The following UNC80 variants were observed in gnomAD, a reference collection of about 807,000 sequenced individuals.
UNC80 encodes unc-80 subunit of NALCN channel complex.
In UNC80, 164 loss-of-function variants were observed where a neutral mutation model predicts 384.6. The ratio of observed to expected loss-of-function variants is 0.43; its 90% CI spans 0.38 to 0.49. The LOEUF is 0.49. UNC80 is among the 20% of genes least tolerant of loss of function. The probability of loss-of-function intolerance (pLI) is 0.00; values close to 1 mark genes in which losing one functional copy is unlikely to be tolerated. For missense variants in UNC80, 3,330 were observed against 4,143.0 expected, an observed-to-expected ratio of 0.80 and a Z score of 5.39; for synonymous variants, 1,486 against 1,527.8, an observed-to-expected ratio of 0.97 and a Z score of 0.64.
chr2:209,947,732 A>T (rs535124821), intron 47 of UNC80, among the ~76,000 whole-genome samples: 1 of 151,914 alleles, frequency 6.6e-6, no homozygotes, highest in South Asian at 2.1e-4. Context: ...TTTTTTTAAA[A>T]GTATTTTATT....
At chr2:209,809,371 C>T (rs1434170950) in intron 7 of UNC80, 8 of 963,104 alleles carry the variant, frequency 8.3e-6, no homozygotes, top group South Asian at 6.5e-5. Flanking sequence ...CTGGCTGCTG[C>T]GGGGCCATGT....
At chr2:209,988,948 C>T (rs1032731132) in intron 61 of UNC80, among the ~76,000 whole-genome samples, 2 of 152,100 alleles carry the variant, frequency 1.3e-5, no homozygotes, top group South Asian at 2.1e-4. Flanking sequence ...TGCTTATATC[C>T]TTATTGTTCC....
In UNC80 at chr2:209,894,304, A is replaced by T; in HGVS notation, c.4418A>T (p.Asp1473Val). 5 of 985,300 alleles carry T rather than the reference A, an allele frequency of 5.1e-6. No individual in the cohort carries two copies. The highest frequency in any genetic ancestry group is 4.8e-6 in the Non-Finnish European group (4 of 829,910). 61.0% of individuals were successfully genotyped at this position (985,300 alleles called of 1,614,324 possible). A position where few individuals can be genotyped will look rare whatever the true frequency, so the allele number is the denominator to read the frequency against. ...SLKSSKLSRQ[D>V]SESEAEELQL... Reference sequence around the variant, plus strand: ...AAGAGCAGCAAGTTATCACGGCAGGACTCAGAGTCTGAGGCTGAGGAGCTG... The same window carrying T: ...AAGAGCAGCAAGTTATCACGGCAGGTCTCAGAGTCTGAGGCTGAGGAGCTG... Residue 1473 changes from aspartate to valine, a missense_variant, in exon 27 of 65, where the codon GAC becomes GTC. Asp to Val is a radical substitution (Grantham distance 152). Coordinates refer to ENST00000673920, the MANE Select transcript of UNC80 (RefSeq NM_001371986.1).
intron 17 of UNC80, among the ~76,000 whole-genome samples, chr2:209,834,514 T>G (rs1285522382): frequency 1.3e-5 from 2 of 152,216 alleles, no homozygotes; most frequent in East Asian, 3.9e-4. Context: ...CAATTACTGA[T>G]GCCATATGAT....
intron 36 of UNC80, among the ~76,000 whole-genome samples, chr2:209,929,475 C>T (rs1321860866): frequency 6.6e-6 from 1 of 152,086 alleles, no homozygotes; most frequent in African/African-American, 2.4e-5. Flanking sequence ...GCATTCTAAA[C>T]CAAAACATAT....
At chr2:209,868,780 AT>A (rs2084048867) in intron 22 of UNC80, among the ~76,000 whole-genome samples, 1 of 152,196 alleles carries the variant, frequency 6.6e-6, no homozygotes, top group Non-Finnish European at 1.5e-5. Context: ...ATTGAACTAT[AT>A]GAAATTGCTG....
chr2:209,910,880 T>C (rs998498028), intron 29 of UNC80, among the ~76,000 whole-genome samples: 2 of 152,164 alleles, frequency 1.3e-5, no homozygotes, highest in Admixed American at 6.5e-5. Flanking sequence ...TTTAAAATTG[T>C]GTGCCACACA....
chr2:209,908,124 G>A (rs1333260221), intron 29 of UNC80, among the ~76,000 whole-genome samples: 1 of 152,202 alleles, frequency 6.6e-6, no homozygotes, highest in African/African-American at 2.4e-5. Flanking sequence ...TTTGCCTGTT[G>A]TGAATCTGCC....
In UNC80 at chr2:209,777,568, A is replaced by G. The variant is rs148765276; in HGVS notation, c.600+9A>G. 3.8e-6 allele frequency: 6 copies of G among 1,596,616 alleles called. No individual in the cohort carries two copies. Among genetic ancestry groups the G allele is most frequent in the Non-Finnish European group, 5.1e-6 (6 of 1,171,072 alleles). ...TGGTACACAGGATCAAGGTAAGCAGAAACCCAGTGTTAGAGCTGGAGTGGG... is the reference window on the plus strand; with the variant it reads ...TGGTACACAGGATCAAGGTAAGCAGGAACCCAGTGTTAGAGCTGGAGTGGG... On this transcript the variant is annotated intron_variant, in intron 4 of 64. Transcript: ENST00000673920.
chr2:209,928,412 A>G (rs1272442317), intron 36 of UNC80, among the ~76,000 whole-genome samples: 1 of 152,144 alleles, frequency 6.6e-6, no homozygotes, highest in Non-Finnish European at 1.5e-5. Context: ...CAAACTGTTA[A>G]TAGTTGTTTC....
chr2:209,925,317 A>G (rs1171950273), intron 35 of UNC80, among the ~76,000 whole-genome samples: 1 of 152,158 alleles, frequency 6.6e-6, no homozygotes. Context: ...TGTGTCCAGA[A>G]TTTATTCCTT....
chr2:209,901,626 T>C (rs2087414196), intron 28 of UNC80, among the ~76,000 whole-genome samples: 1 of 152,064 alleles, frequency 6.6e-6, no homozygotes, highest in Admixed American at 6.5e-5. Flanking sequence ...AGTCTTATGA[T>C]TTAAGAAGTT....
chr2:209,819,052 A>G lies in UNC80; in HGVS notation c.1753A>G (p.Asn585Asp), dbSNP rs1450729075. The G allele has an allele frequency of 6.4e-7, 1 of 1,551,904 alleles. No individual in the cohort carries two copies. The highest frequency in any genetic ancestry group is 8.7e-7 in the Non-Finnish European group (1 of 1,147,042). ...ATFNTTLASFNVGYADFFNEH... is the reference protein window; with the variant it reads ...ATFNTTLASFDVGYADFFNEH... ...CTTCAATACCACTTTGGCGTCATTC[A>G]ACGTAGGCTATGCAGACTTTTTCAA... The change falls in exon 12 of 65, where the codon AAC (asparagine) becomes GAC (aspartate). Residue 585 changes from asparagine to aspartate, a missense_variant. Coordinates refer to ENST00000673920, the MANE Select transcript of UNC80 (RefSeq NM_001371986.1).
intron 55 of UNC80, 57 bp downstream of exon 55, chr2:209,972,381 C>T (rs1483250302): frequency 2.0e-6 from 3 of 1,534,340 alleles, no homozygotes; most frequent in African/African-American, 2.8e-5. Flanking sequence ...TCTTAAATGT[C>T]AGGCTGTTAT....
chr2:209,866,533 C>CATACACACAGAG (rs1307214321), intron 22 of UNC80, among the ~76,000 whole-genome samples: 1 of 104,084 alleles, frequency 9.6e-6, no homozygotes, highest in African/African-American at 4.0e-5. Flanking sequence ...CACACACACA[C>CATACACACAGAG]AGAGAGAGAG....
In UNC80 at chr2:209,941,445, T is replaced by G; in HGVS notation, c.6871T>G (p.Phe2291Val). ...CACCGCGGTGCACTTCAACCACCTC[T>G]TCTCTCTCAGCGGCTACCAGTGGAT... ...INTAVHFNHL[F>V]SLSGYQWILP... The change falls in exon 44 of 65, where the codon TTC (phenylalanine) becomes GTC (valine). Residue 2291 changes from phenylalanine (F) to valine (V), a missense_variant. Phe to Val is a conservative substitution (Grantham distance 50). Coordinates refer to ENST00000673920, the MANE Select transcript of UNC80 (RefSeq NM_001371986.1). 1 of 1,545,046 alleles carries G rather than the reference T, an allele frequency of 6.5e-7. No homozygotes were observed. The highest frequency in any genetic ancestry group is 8.8e-7 in the Non-Finnish European group (1 of 1,141,448).
chr2:209,946,226 A>AG (rs1241107724), intron 47 of UNC80, among the ~76,000 whole-genome samples: 7 of 151,988 alleles, frequency 4.6e-5, no homozygotes, highest in African/African-American at 1.7e-4. Context: ...AAAATTAGCC[A>AG]GGTGTGGTGT....
intron 38 of UNC80, among the ~76,000 whole-genome samples, chr2:209,932,770 C>A (rs1347595696): frequency 6.6e-6 from 1 of 152,124 alleles, no homozygotes; most frequent in Non-Finnish European, 1.5e-5. Flanking sequence ...CACTGACAGG[C>A]ATGTAGGTTG....
intron 2 of UNC80, 142 bp downstream of exon 2, chr2:209,773,284 A>G: frequency 1.4e-6 from 1 of 737,826 alleles, no homozygotes; most frequent in Non-Finnish European, 2.3e-6. Context: ...GCCAGGCACA[A>G]TTCTCTGTGC....
Sources: gnomAD v4.1 joint callset for allele counts (sites outside exome capture counted in the v4.1 genomes callset) on GRCh38, gnomAD v4.1.1 for gene constraint, MANE v1.5 for transcripts, NCBI Gene and HGNC (gene_info 2026-07-23, HGNC 2026-07-21) for gene names.